The following FAM222A variants were observed in gnomAD, a reference collection of about 807,000 sequenced individuals.
FAM222A encodes protein FAM222A.
In FAM222A, 7 loss-of-function variants were observed where a neutral mutation model predicts 25.8. That is an observed-to-expected ratio of 0.27 (90% confidence interval 0.15 to 0.51). The LOEUF is 0.51. Ranked by LOEUF, FAM222A falls within the 20% of genes least tolerant of loss-of-function variation. The pLI is 0.97. For synonymous variants in FAM222A, 294 were observed against 298.8 expected (o/e 0.98, Z 0.17); for missense variants, 573 against 640.5 (o/e 0.89, Z 1.14).
chr12:109,763,226 C>G (rs572216070), intron 2 of FAM222A, among the ~76,000 whole-genome samples: 6 of 152,264 alleles, frequency 3.9e-5, no homozygotes, highest in Non-Finnish European at 7.3e-5. Flanking sequence ...GGGCCTGAAT[C>G]TCAGCTCCAC....
intron 1 of FAM222A, among the ~76,000 whole-genome samples, chr12:109,731,341 T>C (rs11068025): frequency 0.31 from 46,793 of 151,770 alleles, 7,363 homozygotes; most frequent in Admixed American, 0.39. Context: ...TGTGGGACAT[T>C]GGGTGCCCAC....
At chr12:109,753,390 C>G (rs1490757157) in intron 2 of FAM222A, among the ~76,000 whole-genome samples, 1 of 152,132 alleles carries the variant, frequency 6.6e-6, no homozygotes, top group African/African-American at 2.4e-5. Context: ...TTGGGACTGT[C>G]TAAGGGTCAA....
chr12:109,763,295 C>T (rs1441946310), intron 2 of FAM222A, among the ~76,000 whole-genome samples: 5 of 152,204 alleles, frequency 3.3e-5, no homozygotes, highest in African/African-American at 7.2e-5. Flanking sequence ...CTCTGTACAG[C>T]GGGAACTGCA....
In FAM222A at chr12:109,744,241, C is replaced by A; in HGVS notation, c.82+13C>A. ...GAGCTGCGCAAGTGTGAGTAGGACG[C>A]CTCCCCAGCCTTTGCAGGGCAGGTC... On this transcript the variant is annotated intron_variant, in intron 2 of 2. Coordinates refer to ENST00000538780, the MANE Select transcript of FAM222A (RefSeq NM_032829.3). 1 of 1,609,892 alleles carries A rather than the reference C, an allele frequency of 6.2e-7. No homozygotes were observed. The highest frequency in any genetic ancestry group is 8.5e-7 in the Non-Finnish European group (1 of 1,178,756).
chr12:109,763,976 T>C (rs1888970345), intron 2 of FAM222A, among the ~76,000 whole-genome samples: 2 of 152,024 alleles, frequency 1.3e-5, no homozygotes, highest in Non-Finnish European at 2.9e-5. Flanking sequence ...TGACCTGTAA[T>C]CCCAGCACTT....
chr12:109,716,444 C>T (rs1887647101), intron 1 of FAM222A, among the ~76,000 whole-genome samples: 1 of 152,224 alleles, frequency 6.6e-6, no homozygotes, highest in Non-Finnish European at 1.5e-5. Context: ...CCCTGCTCTT[C>T]TACCAAGCTC....
At position 109,768,673 on chromosome 12, in the gene FAM222A, C is replaced by T. The variant is rs112811653; in HGVS notation, c.744C>T (p.Ala248=). 6.3e-4 allele frequency: 1,001 copies of T among 1,593,838 alleles called. 1 individual carries two copies. The highest frequency in any genetic ancestry group is 7.4e-4 in the Non-Finnish European group (875 of 1,176,106). Reference sequence around the variant, plus strand: ...CCAGCATGGCCTACTCGGCTGCAGCCGGTCTGCCCGACTGCCGGAAAGGCA... The same window carrying T: ...CCAGCATGGCCTACTCGGCTGCAGCTGGTCTGCCCGACTGCCGGAAAGGCA... ...SFPSMAYSAA[A]GLPDCRKGTE... Residue 248 remains alanine (A), a synonymous_variant, in exon 3 of 3, where the codon GCC becomes GCT. Coordinates refer to ENST00000538780, the MANE Select transcript of FAM222A (RefSeq NM_032829.3).
chr12:109,736,493 A>G (rs1260554389), intron 1 of FAM222A, among the ~76,000 whole-genome samples: 1 of 152,200 alleles, frequency 6.6e-6, no homozygotes, highest in East Asian at 1.9e-4. Flanking sequence ...AGTCGGGGAC[A>G]GACACTGTCG....
At chr12:109,754,344 G>C (rs968015493) in intron 2 of FAM222A, among the ~76,000 whole-genome samples, 2 of 151,880 alleles carry the variant, frequency 1.3e-5, no homozygotes, top group Non-Finnish European at 2.9e-5. Context: ...GATCAGCCTG[G>C]CCAACATATT....
At chr12:109,715,967 C>G (rs1013589708) in intron 1 of FAM222A, among the ~76,000 whole-genome samples, 1 of 152,178 alleles carries the variant, frequency 6.6e-6, no homozygotes, top group Admixed American at 6.5e-5. Flanking sequence ...CACCCCTAGT[C>G]CAGGGGCTCC....
At chr12:109,765,160 G>A (rs914384578) in intron 2 of FAM222A, among the ~76,000 whole-genome samples, 5 of 152,212 alleles carry the variant, frequency 3.3e-5, no homozygotes, top group African/African-American at 1.2e-4. Flanking sequence ...ACCTCCCATG[G>A]CTGCCCAGTG....
intron 1 of FAM222A, among the ~76,000 whole-genome samples, chr12:109,715,601 C>T (rs541697741): frequency 9.2e-5 from 14 of 152,174 alleles, no homozygotes; most frequent in Non-Finnish European, 7.4e-5. Flanking sequence ...CCACCCCTAC[C>T]ATTGCAGTCC....
intron 1 of FAM222A, among the ~76,000 whole-genome samples, chr12:109,737,525 A>C (rs1888119200): frequency 6.6e-6 from 1 of 151,758 alleles, no homozygotes; most frequent in South Asian, 2.1e-4. Context: ...TACAGTGGTA[A>C]TTCTGGCAGA....
intron 1 of FAM222A, among the ~76,000 whole-genome samples, chr12:109,736,456 G>T (rs189950650): frequency 5.9e-4 from 90 of 152,308 alleles, no homozygotes; most frequent in Admixed American, 1.6e-3. Flanking sequence ...CAGAGTTAGG[G>T]TGTAAAGCTC....
In FAM222A at chr12:109,744,194, G is replaced by T; in HGVS notation, c.48G>T (p.Leu16=). Residue 16 remains leucine, a synonymous_variant, in exon 2 of 3, where the codon CTG becomes CTT. Coordinates refer to ENST00000538780, the MANE Select transcript of FAM222A (RefSeq NM_032829.3). ...QRTQNAPGQH[L]ACPSKSLELR... Reference sequence around the variant, plus strand: ...CCCAGAACGCCCCGGGCCAACACCTGGCCTGCCCGAGCAAGAGCCTGGAGC... The same window carrying T: ...CCCAGAACGCCCCGGGCCAACACCTTGCCTGCCCGAGCAAGAGCCTGGAGC... The T allele has an allele frequency of 6.2e-7, 1 of 1,613,406 alleles. No individual in the cohort carries two copies.
At chr12:109,729,742 G>A (rs1469916361) in intron 1 of FAM222A, among the ~76,000 whole-genome samples, 1 of 152,316 alleles carries the variant, frequency 6.6e-6, no homozygotes, top group East Asian at 1.9e-4. Context: ...ACCAAAATAC[G>A]GGAACAGGCC....
chr12:109,769,202 A>G lies in FAM222A; in HGVS notation c.1273A>G (p.Met425Val), dbSNP rs1889168125. 1 of 1,612,336 alleles carries G rather than the reference A, an allele frequency of 6.2e-7. No individual in the cohort carries two copies. The highest frequency in any genetic ancestry group is 8.5e-7 in the Non-Finnish European group (1 of 1,179,772). Residue 425 changes from methionine to valine, a missense_variant, in exon 3 of 3, where the codon ATG becomes GTG. Coordinates refer to ENST00000538780, the MANE Select transcript of FAM222A (RefSeq NM_032829.3). ...CCGGCCGCCCTGCATCAAGGAGCAG[A>G]TGCTGGGCAAGGGCTATGAGACGGT... ...DIRPPCIKEQ[M>V]LGKGYETVAV...
intron 1 of FAM222A, among the ~76,000 whole-genome samples, chr12:109,718,479 G>A (rs569871722): frequency 1.2e-4 from 18 of 152,308 alleles, no homozygotes; most frequent in African/African-American, 4.1e-4. Context: ...TCAATCAGGC[G>A]GCGATTCCTC....
intron 2 of FAM222A, among the ~76,000 whole-genome samples, chr12:109,757,576 C>T (rs765202704): frequency 1.4e-4 from 22 of 152,008 alleles, no homozygotes; most frequent in South Asian, 1.2e-3. Flanking sequence ...TATCATTCTT[C>T]GAAGAAAATG....
Sources: allele counts gnomAD v4.1 joint callset (sites outside exome capture counted in the v4.1 genomes callset), GRCh38; gene constraint gnomAD v4.1.1; transcripts MANE v1.5; gene names NCBI Gene and HGNC (gene_info 2026-07-23, HGNC 2026-07-21).